ROBO2: variants seen among roughly 807,000 people sequenced by gnomAD.
The protein encoded by ROBO2 is roundabout guidance receptor 2.
In ROBO2, 53 loss-of-function variants were observed where a neutral mutation model predicts 160.8. That is an observed-to-expected ratio of 0.33 (90% CI 0.26 to 0.41). ROBO2 has a LOEUF of 0.41. ROBO2 is among the 10% of genes least tolerant of loss of function. The probability of loss-of-function intolerance (pLI) is 1.00; values close to 1 mark genes in which losing one functional copy is unlikely to be tolerated. For missense variants in ROBO2, 1,577 were observed against 1,722.4 expected, an observed-to-expected ratio of 0.92 and a Z score of 1.49; for synonymous variants, 664 against 611.7, an observed-to-expected ratio of 1.09 and a Z score of -1.26.
intron 2 of ROBO2, among the ~76,000 whole-genome samples, chr3:77,251,421 CT>C (rs527466396): frequency 1.3e-3 from 194 of 152,234 alleles, no homozygotes; most frequent in African/African-American, 4.3e-3. Flanking sequence ...GCAGTGAATG[CT>C]GTGGTCTTGC....
chr3:77,319,736 A>G (rs555099243), intron 2 of ROBO2, among the ~76,000 whole-genome samples: 44 of 152,314 alleles, frequency 2.9e-4, no homozygotes, highest in Non-Finnish European at 6.0e-4. Flanking sequence ...TGGCTATGTC[A>G]TAATGTCTGC....
chr3:75,912,987 G>A (rs1313706861), intron 1 of ROBO2, among the ~76,000 whole-genome samples: 1 of 152,026 alleles, frequency 6.6e-6, no homozygotes, highest in Non-Finnish European at 1.5e-5. Context: ...CATATTTATT[G>A]TCTTACAGTT....
At chr3:76,958,677 G>A (rs1303334622) in intron 2 of ROBO2, among the ~76,000 whole-genome samples, 1 of 152,188 alleles carries the variant, frequency 6.6e-6, no homozygotes, top group East Asian at 1.9e-4. Flanking sequence ...GATTTTTAAA[G>A]CTGTGTTTTC....
At chr3:76,122,229 T>C (rs1306494482) in intron 2 of ROBO2, among the ~76,000 whole-genome samples, 1 of 151,916 alleles carries the variant, frequency 6.6e-6, no homozygotes, top group Non-Finnish European at 1.5e-5. Context: ...TGAATGTTGA[T>C]TCAGCTCCTT....
intron 1 of ROBO2, among the ~76,000 whole-genome samples, chr3:75,933,243 C>G (rs996535064): frequency 1.3e-5 from 2 of 152,148 alleles, no homozygotes; most frequent in African/African-American, 4.8e-5. Flanking sequence ...ATGGGCTCTG[C>G]TGTGTTTTTC....
intron 2 of ROBO2, among the ~76,000 whole-genome samples, chr3:76,456,742 C>T (rs906279777): frequency 1.3e-5 from 2 of 151,976 alleles, no homozygotes; most frequent in African/African-American, 4.8e-5. Flanking sequence ...AAAGACGTAC[C>T]CAAGACTGGG....
chr3:77,098,498 A>T (rs2071404828), intron 2 of ROBO2, among the ~76,000 whole-genome samples, 158 bp downstream of exon 2: 2 of 152,188 alleles, frequency 1.3e-5, no homozygotes, highest in Admixed American at 1.3e-4. Flanking sequence ...GATAGTATCA[A>T]GCCAGGGTGT....
In ROBO2 at chr3:76,795,222, G is replaced by A. The variant is rs140830509; in HGVS notation, c.110-302792G>A. On this transcript the variant is annotated intron_variant, in intron 2 of 26. Transcript: ENST00000487694. ...GATATTGATGGCTGCTGGCATCAGG[G>A]TGGTGGTTGAAGGTTAGGGGAGCTG... Among the ~76,000 whole-genome samples the A allele has an allele frequency of 3.9e-3, 594 of 152,198 alleles. 4 individuals are homozygous for A. The highest frequency in any genetic ancestry group is 6.8e-3 in the Middle Eastern group (2 of 294).
intron 2 of ROBO2, among the ~76,000 whole-genome samples, chr3:77,216,928 G>A (rs942195407): frequency 3.3e-5 from 5 of 151,942 alleles, no homozygotes; most frequent in African/African-American, 9.7e-5. Context: ...GGAGACCAGG[G>A]CATAAAGCCA....
chr3:77,406,633 T>C (rs947046452), intron 2 of ROBO2, among the ~76,000 whole-genome samples: 5 of 152,100 alleles, frequency 3.3e-5, no homozygotes, highest in East Asian at 1.9e-4. Context: ...TTATTTTTTT[T>C]CCCAAGATAT....
chr3:76,309,339 G>T (rs1255339990), intron 2 of ROBO2, among the ~76,000 whole-genome samples: 3 of 152,156 alleles, frequency 2.0e-5, no homozygotes, highest in Admixed American at 1.3e-4. Flanking sequence ...TATAAAATGG[G>T]CATAAGTTTT....
At chr3:77,355,127 C>G (rs7432408) in intron 2 of ROBO2, among the ~76,000 whole-genome samples, 12,916 of 105,468 alleles carry the variant, frequency 0.12, 102 homozygotes, top group Non-Finnish European at 0.14. Flanking sequence ...CCTCCCATCC[C>G]CATACCCTAG....
At chr3:76,534,308 T>C (rs1199130462) in intron 2 of ROBO2, among the ~76,000 whole-genome samples, 1 of 152,146 alleles carries the variant, frequency 6.6e-6, no homozygotes, top group African/African-American at 2.4e-5. Flanking sequence ...AAATAAGTTC[T>C]CTAAGAACAG....
At chr3:77,019,244 C>T (rs1197932029) in intron 2 of ROBO2, among the ~76,000 whole-genome samples, 1 of 152,098 alleles carries the variant, frequency 6.6e-6, no homozygotes, top group African/African-American at 2.4e-5. Context: ...AGATTCAATG[C>T]TTGTTGAGTG....
intron 2 of ROBO2, among the ~76,000 whole-genome samples, chr3:77,336,873 A>G (rs569044626): frequency 1.6e-4 from 24 of 152,332 alleles, no homozygotes; most frequent in Admixed American, 2.6e-4. Context: ...CCCAAGGCCA[A>G]AAACAAAGCT....
chr3:77,101,890 C>T (rs903939154), intron 2 of ROBO2, among the ~76,000 whole-genome samples: 1 of 151,938 alleles, frequency 6.6e-6, no homozygotes, highest in Non-Finnish European at 1.5e-5. Flanking sequence ...AAATACAAAA[C>T]TTAGCCAGGT....
intron 2 of ROBO2, among the ~76,000 whole-genome samples, chr3:77,291,102 G>A (rs554174059): frequency 9.8e-4 from 149 of 151,736 alleles, no homozygotes; most frequent in African/African-American, 3.5e-3. Flanking sequence ...GGGTAAACGG[G>A]TAAGCTGAGG....
intron 2 of ROBO2, among the ~76,000 whole-genome samples, chr3:77,226,081 C>G (rs1194314493): frequency 6.6e-6 from 1 of 151,940 alleles, no homozygotes; most frequent in Non-Finnish European, 1.5e-5. Context: ...CCAGCACATG[C>G]AAGAAATAAT....
intron 2 of ROBO2, among the ~76,000 whole-genome samples, chr3:76,888,724 T>G (rs1191139918): frequency 6.6e-6 from 1 of 152,172 alleles, no homozygotes; most frequent in African/African-American, 2.4e-5. Flanking sequence ...TCGGATTATC[T>G]CATGCCACTG....
Sources: gnomAD v4.1 joint callset for allele counts (sites outside exome capture counted in the v4.1 genomes callset) on GRCh38, gnomAD v4.1.1 for gene constraint, MANE v1.5 for transcripts, NCBI Gene and HGNC (gene_info 2026-07-23, HGNC 2026-07-21) for gene names.